The following LMTK2 variants were observed in gnomAD, a reference collection of about 807,000 sequenced individuals.
LMTK2 encodes lemur tail kinase 2, also known as serine/threonine-protein kinase LMTK2.
Under a neutral mutation model 127.5 loss-of-function variants are expected in LMTK2, and 37 were observed. The observed-to-expected ratio is 0.29, with a 90% CI of 0.22 to 0.38. The LOEUF is 0.38. Ranked by LOEUF, LMTK2 falls within the 10% of genes least tolerant of loss-of-function variation. The probability of loss-of-function intolerance (pLI) is 1.00; values close to 1 mark genes in which losing one functional copy is unlikely to be tolerated. For missense variants in LMTK2, 1,694 were observed against 1,920.3 expected (o/e 0.88, Z 2.20); for synonymous variants, 819 against 810.1 (o/e 1.01, Z -0.19).
chr7:98,133,156 G>C (rs184778820), intron 1 of LMTK2, among the ~76,000 whole-genome samples: 3 of 152,314 alleles, frequency 2.0e-5, no homozygotes, highest in Admixed American at 2.0e-4. Context: ...TACGTATTCC[G>C]CCAGACCTCA....
intron 5 of LMTK2, among the ~76,000 whole-genome samples, chr7:98,157,243 C>T (rs940033328): frequency 7.3e-6 from 1 of 136,104 alleles, no homozygotes; most frequent in Non-Finnish European, 1.6e-5. Context: ...CAGAGTGAGA[C>T]CCTGTCTCGG....
At chr7:98,126,430 T>C (rs1796445401) in intron 1 of LMTK2, 1 of 152,178 alleles carries the variant, frequency 6.6e-6, no homozygotes, top group Admixed American at 6.6e-5. Context: ...GCTTCCGGAG[T>C]GTGGAACCAC....
Position 98,129,332 on chromosome 7 carries a change from G to A in LMTK2, c.104-7983G>A, listed in dbSNP as rs933517520. On this transcript the variant is annotated intron_variant, in intron 1 of 13. Transcript: ENST00000297293. ...ACTGGGATTACAGGCATGAGCCGCC[G>A]TACCTGGCCCATAAGTTTATTCAGT... 1.9e-4 allele frequency among the ~76,000 whole-genome samples: 29 copies of A among 151,818 alleles called. No homozygotes were observed. In the Middle Eastern group the frequency reaches 0.021, roughly 108 times the overall value.
intron 11 of LMTK2, among the ~76,000 whole-genome samples, chr7:98,198,944 A>C (rs1797670759): frequency 6.6e-6 from 1 of 152,146 alleles, no homozygotes; most frequent in South Asian, 2.1e-4. Flanking sequence ...TTAATATATT[A>C]GTTATAATTA....
intron 1 of LMTK2, among the ~76,000 whole-genome samples, chr7:98,127,817 A>G (rs896669127): frequency 1.3e-5 from 2 of 152,240 alleles, no homozygotes; most frequent in Non-Finnish European, 2.9e-5. Context: ...CACATACGCC[A>G]TAAATATATA....
intron 10 of LMTK2, among the ~76,000 whole-genome samples, chr7:98,191,225 A>G (rs975386473): frequency 6.6e-6 from 1 of 152,144 alleles, no homozygotes; most frequent in Non-Finnish European, 1.5e-5. Flanking sequence ...CAGGATTACA[A>G]GTGTGAGCCA....
In LMTK2 at chr7:98,120,267, A is replaced by AT. The variant is rs201648607; in HGVS notation, c.103+12996dup. ...AAACCACTATAATTTTAAAAGGCTT[A>AT]TTTTTTTTTCCCCCTTCAGGCTCAT... On this transcript the variant is annotated intron_variant, in intron 1 of 13. Transcript: ENST00000297293. Among the ~76,000 whole-genome samples the AT allele has an allele frequency of 6.6e-5, 10 of 151,242 alleles. No individual in the cohort carries two copies. The East Asian group carries it at 1.6e-3, about 23-fold the overall frequency.
At chr7:98,181,802 G>A (rs949214778) in intron 7 of LMTK2, among the ~76,000 whole-genome samples, 2 of 152,010 alleles carry the variant, frequency 1.3e-5, no homozygotes, top group Admixed American at 1.3e-4. Flanking sequence ...GGAATTACAG[G>A]CACCCACCAT....
intron 9 of LMTK2, among the ~76,000 whole-genome samples, chr7:98,189,211 G>A (rs1797483385): frequency 6.6e-6 from 1 of 152,136 alleles, no homozygotes; most frequent in South Asian, 2.1e-4. Flanking sequence ...TGAGGATGTA[G>A]GGGTCCACAG....
At chr7:98,154,186 T>C (rs1796894814) in intron 4 of LMTK2, among the ~76,000 whole-genome samples, 1 of 152,166 alleles carries the variant, frequency 6.6e-6, no homozygotes, top group African/African-American at 2.4e-5. Flanking sequence ...AGGCAGCAGA[T>C]TCTCATTTCG....
chr7:98,150,307 C>CAA (rs35422809), intron 3 of LMTK2, among the ~76,000 whole-genome samples: 134 of 116,902 alleles, frequency 1.1e-3, no homozygotes, highest in East Asian at 7.7e-3. Context: ...GACCCTGTCT[C>CAA]AAAAAAAAAA....
intron 4 of LMTK2, among the ~76,000 whole-genome samples, chr7:98,152,092 G>GT (rs1436708275): frequency 1.3e-5 from 2 of 152,148 alleles, no homozygotes; most frequent in Non-Finnish European, 2.9e-5. Flanking sequence ...AGGTTAGATT[G>GT]TTTTTTTAAT....
intron 1 of LMTK2, among the ~76,000 whole-genome samples, chr7:98,110,360 G>A (rs1209058232): frequency 6.6e-6 from 1 of 152,090 alleles, no homozygotes; most frequent in Admixed American, 6.6e-5. Context: ...TCTTCTTTGA[G>A]CTGGGATGCC....
intron 1 of LMTK2, among the ~76,000 whole-genome samples, chr7:98,112,723 C>T (rs949408227): frequency 7.9e-5 from 12 of 151,928 alleles, no homozygotes; most frequent in African/African-American, 2.9e-4. Context: ...AAATCTAGGC[C>T]CATTACAAGG....
intron 7 of LMTK2, among the ~76,000 whole-genome samples, chr7:98,182,302 G>A (rs1797366666): frequency 1.3e-5 from 2 of 152,156 alleles, no homozygotes; most frequent in South Asian, 4.1e-4. Flanking sequence ...AGGGTGAAAA[G>A]ATAACCACCA....
chr7:98,198,216 A>T (rs1584298959), intron 11 of LMTK2, among the ~76,000 whole-genome samples: 1 of 139,074 alleles, frequency 7.2e-6, no homozygotes. Flanking sequence ...TTTTTTTGAG[A>T]CGTCTCACTC....
intron 6 of LMTK2, among the ~76,000 whole-genome samples, chr7:98,165,809 C>T (rs778825337): frequency 2.6e-5 from 4 of 152,128 alleles, no homozygotes; most frequent in Admixed American, 6.5e-5. Context: ...GTCGTTGCCC[C>T]TAAGGAGCTC....
chr7:98,200,017 T>G (rs1026958272), intron 11 of LMTK2, among the ~76,000 whole-genome samples: 1 of 152,256 alleles, frequency 6.6e-6, no homozygotes, highest in African/African-American at 2.4e-5. Context: ...TTATTTGTTC[T>G]ATTTTTATTT....
At chr7:98,199,198 G>A (rs986061529) in intron 11 of LMTK2, among the ~76,000 whole-genome samples, 2 of 151,982 alleles carry the variant, frequency 1.3e-5, no homozygotes, top group African/African-American at 4.8e-5. Context: ...GTTTTGGTGG[G>A]TGGATCGTTC....
Sources: gnomAD v4.1 joint callset for allele counts (sites outside exome capture counted in the v4.1 genomes callset) on GRCh38, gnomAD v4.1.1 for gene constraint, MANE v1.5 for transcripts, NCBI Gene and HGNC (gene_info 2026-07-23, HGNC 2026-07-21) for gene names.